NRG3: variants seen among roughly 807,000 people sequenced by gnomAD.
NRG3 encodes the protein pro-neuregulin-3, membrane-bound isoform.
A neutral mutation model predicts 66.9 loss-of-function variants in NRG3; 31 were observed. That is an observed-to-expected ratio of 0.46 (90% CI 0.35 to 0.63). NRG3 has a LOEUF of 0.63. NRG3 is among the 20% of genes least tolerant of loss of function. The pLI, the probability that NRG3 is intolerant of heterozygous loss-of-function variation, is 0.00. For synonymous variants in NRG3, 393 were observed against 359.4 expected (o/e 1.09, Z -1.06); for missense variants, 910 against 878.9 (o/e 1.04, Z -0.45).
intron 2 of NRG3, among the ~76,000 whole-genome samples, chr10:82,377,479 T>C (rs1457631440): frequency 1.3e-5 from 2 of 151,050 alleles, no homozygotes; most frequent in Admixed American, 6.6e-5. Flanking sequence ...CATGCGTGAG[T>C]TCATCAGCCT....
At chr10:82,767,305 C>G (rs968724258) in intron 3 of NRG3, among the ~76,000 whole-genome samples, 2 of 151,938 alleles carry the variant, frequency 1.3e-5, no homozygotes, top group African/African-American at 4.8e-5. Flanking sequence ...GCCTGGGTTG[C>G]GTACTTCATT....
intron 4 of NRG3, among the ~76,000 whole-genome samples, chr10:82,928,625 TAAAAG>T (rs1847250798): frequency 6.7e-6 from 1 of 150,066 alleles, no homozygotes. Flanking sequence ...TTTTTTTTTT[TAAAAG>T]TAAATCTCAA....
At chr10:82,824,016 A>T (rs1399997423) in intron 3 of NRG3, among the ~76,000 whole-genome samples, 1 of 152,142 alleles carries the variant, frequency 6.6e-6, no homozygotes, top group Non-Finnish European at 1.5e-5. Context: ...ATCCATACTC[A>T]TTAGTAGTTG....
intron 2 of NRG3, among the ~76,000 whole-genome samples, chr10:82,733,241 AT>A (rs1298540829): frequency 6.6e-6 from 1 of 152,222 alleles, no homozygotes; most frequent in East Asian, 1.9e-4. Context: ...TATTCTTCAT[AT>A]ATTTGTCTCT....
intron 2 of NRG3, among the ~76,000 whole-genome samples, chr10:82,636,220 CATAT>C (rs770295588): frequency 2.7e-4 from 40 of 148,006 alleles, no homozygotes; most frequent in East Asian, 5.9e-4. Flanking sequence ...TGTCTATCTA[CATAT>C]GTGTGTGTGT....
chr10:81,924,196 C>G (rs1002231122), intron 1 of NRG3, among the ~76,000 whole-genome samples: 3 of 152,184 alleles, frequency 2.0e-5, no homozygotes, highest in Non-Finnish European at 4.4e-5. Flanking sequence ...GTACACAGCT[C>G]TTGCTCTTCA....
chr10:82,705,500 T>C (rs968007274), intron 2 of NRG3, among the ~76,000 whole-genome samples: 1 of 152,178 alleles, frequency 6.6e-6, no homozygotes, highest in Admixed American at 6.5e-5. Flanking sequence ...TCAGCTGGCC[T>C]GTTACCTACA....
intron 2 of NRG3, among the ~76,000 whole-genome samples, chr10:82,575,056 G>C (rs1027326041): frequency 1.3e-5 from 2 of 151,666 alleles, no homozygotes; most frequent in Non-Finnish European, 3.0e-5. Flanking sequence ...CTCAAAAATT[G>C]CAGAGTGGAT....
At chr10:82,903,798 G>C (rs1844462034) in intron 4 of NRG3, among the ~76,000 whole-genome samples, 1 of 152,004 alleles carries the variant, frequency 6.6e-6, no homozygotes, top group Non-Finnish European at 1.5e-5. Flanking sequence ...AATTTGATGG[G>C]AGTTAAAAGT....
intron 4 of NRG3, among the ~76,000 whole-genome samples, chr10:82,935,370 A>G (rs1245093359): frequency 1.3e-5 from 2 of 152,174 alleles, no homozygotes; most frequent in African/African-American, 4.8e-5. Flanking sequence ...TATTCTATTT[A>G]AAATGTACTT....
chr10:82,172,946 A>G (rs1243094450), intron 1 of NRG3, among the ~76,000 whole-genome samples: 2 of 152,268 alleles, frequency 1.3e-5, no homozygotes, highest in East Asian at 1.9e-4. Context: ...TTTAGAATGT[A>G]TAAAAATCAA....
chr10:81,966,824 A>G (rs2059747481), intron 1 of NRG3, among the ~76,000 whole-genome samples: 1 of 152,108 alleles, frequency 6.6e-6, no homozygotes, highest in African/African-American at 2.4e-5. Context: ...TATCTTTTAG[A>G]TCATTAGTTG....
intron 1 of NRG3, among the ~76,000 whole-genome samples, chr10:82,256,528 T>A (rs1042170076): frequency 6.6e-6 from 1 of 152,164 alleles, no homozygotes; most frequent in Non-Finnish European, 1.5e-5. Context: ...AGGCACAGGC[T>A]TGCACTCCCT....
At chr10:82,727,032 G>T (rs138767759) in intron 2 of NRG3, among the ~76,000 whole-genome samples, 3 of 152,094 alleles carry the variant, frequency 2.0e-5, no homozygotes, top group Non-Finnish European at 2.9e-5. Context: ...ATAATGTAGG[G>T]TATCTGGTGG....
chr10:82,274,366 C>T (rs1388478105), intron 1 of NRG3, among the ~76,000 whole-genome samples: 3 of 151,968 alleles, frequency 2.0e-5, no homozygotes, highest in African/African-American at 4.8e-5. Flanking sequence ...CAACCTTCTT[C>T]TAATTCTGAA....
chr10:82,663,181 C>T (rs989674726), intron 2 of NRG3, among the ~76,000 whole-genome samples: 1 of 152,138 alleles, frequency 6.6e-6, no homozygotes, highest in Non-Finnish European at 1.5e-5. Context: ...ATGAACTGAA[C>T]CAAGGTCCTC....
chr10:82,008,435 TAAATAGAA>T (rs1175320867), intron 1 of NRG3, among the ~76,000 whole-genome samples: 1 of 152,208 alleles, frequency 6.6e-6, no homozygotes, highest in African/African-American at 2.4e-5. Context: ...ATAGGTGTGC[TAAATAGAA>T]AAATAGAAAA....
At position 82,518,839 on chromosome 10, in the gene NRG3, G is replaced by A. The variant is rs115495952; in HGVS notation, c.953+159971G>A. ...AATCCCATTGTGAGGTATAATAGAT[G>A]ACACCTGATACTAAAAATCTACCTA... On this transcript the variant is annotated intron_variant, in intron 2 of 8. Coordinates refer to ENST00000372141, the MANE Select transcript of NRG3 (RefSeq NM_001010848.4). Among the ~76,000 whole-genome samples the A allele has an allele frequency of 2.6e-3, 397 of 152,184 alleles. 1 individual carries two copies. The highest frequency in any genetic ancestry group is 9.1e-3 in the African/African-American group (379 of 41,510).
At chr10:82,844,671 CTTT>C (rs35056787) in intron 3 of NRG3, among the ~76,000 whole-genome samples, 5 of 138,514 alleles carry the variant, frequency 3.6e-5, no homozygotes, top group African/African-American at 7.8e-5. Context: ...CCTCTACAAT[CTTT>C]TTTTTTTTTT....
Sources: allele counts gnomAD v4.1 joint callset (sites outside exome capture counted in the v4.1 genomes callset), GRCh38; gene constraint gnomAD v4.1.1; transcripts MANE v1.5; gene names NCBI Gene and HGNC (gene_info 2026-07-23, HGNC 2026-07-21).